Variants in ARHGEF3 observed in about 807,000 individuals in gnomAD.
The protein encoded by ARHGEF3 is 59.8 kDA protein.
A neutral mutation model predicts 63.2 loss-of-function variants in ARHGEF3; 28 were observed. That is an observed-to-expected ratio of 0.44 (90% CI 0.33 to 0.61). ARHGEF3 has a LOEUF of 0.61. Ranked by LOEUF, ARHGEF3 falls within the 20% of genes least tolerant of loss-of-function variation. The probability of loss-of-function intolerance (pLI) is 0.03; values close to 1 mark genes in which losing one functional copy is unlikely to be tolerated. For missense variants in ARHGEF3, 533 were observed against 659.3 expected, an observed-to-expected ratio of 0.81 and a Z score of 2.10; for synonymous variants, 266 against 254.2, an observed-to-expected ratio of 1.05 and a Z score of -0.44.
At chr3:57,014,001 C>G (rs759801003) in intron 2 of ARHGEF3, among the ~76,000 whole-genome samples, 12 of 152,226 alleles carry the variant, frequency 7.9e-5, no homozygotes, top group Non-Finnish European at 1.6e-4. Flanking sequence ...GCTGCTCACT[C>G]TTTGGATCTG....
At chr3:56,970,869 C>A (rs1700879895) in intron 2 of ARHGEF3, among the ~76,000 whole-genome samples, 1 of 152,248 alleles carries the variant, frequency 6.6e-6, no homozygotes, top group Non-Finnish European at 1.5e-5. Context: ...TAGCGCTGGA[C>A]AAGTGACTTA....
In ARHGEF3 at chr3:56,729,529, AG is replaced by A; in HGVS notation, c.1321del (p.Asn442ThrfsTer27). The A allele has an allele frequency of 1.9e-6, 3 of 1,614,230 alleles. No individual in the cohort carries two copies. The highest frequency in any genetic ancestry group is 2.5e-6 in the Non-Finnish European group (3 of 1,180,032). On this transcript the variant is annotated frameshift_variant, in exon 10 of 10. Transcript: ENST00000296315. LOFTEE classifies it high-confidence loss of function. ...ANDTFNKQQW[L>X]NCIRQAKETV... ...TTCTTTGGCTTGACGAATACAGTTAAGCCACTGCTGTTTGTTGAAAGTGTCA... is the reference window on the plus strand; with the variant it reads ...TTCTTTGGCTTGACGAATACAGTTAACCACTGCTGTTTGTTGAAAGTGTCA...
At chr3:56,889,908 A>G (rs1027305839) in intron 3 of ARHGEF3, among the ~76,000 whole-genome samples, 1 of 152,074 alleles carries the variant, frequency 6.6e-6, no homozygotes, top group Admixed American at 6.6e-5. Flanking sequence ...CTAAAAATAC[A>G]AAAATTAGCT....
chr3:56,992,733 G>A (rs893760904), intron 2 of ARHGEF3, among the ~76,000 whole-genome samples: 27 of 152,314 alleles, frequency 1.8e-4, no homozygotes, highest in African/African-American at 6.3e-4. Context: ...CAACCCCAGC[G>A]CAGTCTGTGG....
chr3:56,734,496 G>T (rs2033463925), intron 8 of ARHGEF3, among the ~76,000 whole-genome samples: 1 of 152,144 alleles, frequency 6.6e-6, no homozygotes, highest in Non-Finnish European at 1.5e-5. Flanking sequence ...TTCACTATCT[G>T]GGTGATGAGA....
intron 1 of ARHGEF3, among the ~76,000 whole-genome samples, chr3:57,040,091 C>T (rs11130567): frequency 0.67 from 101,278 of 152,086 alleles, 34,362 homozygotes; most frequent in East Asian, 0.94. Context: ...GACCTACAAC[C>T]ACATGCGGCA....
At chr3:56,732,493 G>C in intron 8 of ARHGEF3, 69 bp from the exon 9 acceptor site, 1 of 1,540,438 alleles carries the variant, frequency 6.5e-7, no homozygotes, top group Non-Finnish European at 9.0e-7. Flanking sequence ...GTGGACCTCT[G>C]TGGATAAAGA....
chr3:57,014,508 T>G (rs572982808), intron 2 of ARHGEF3, among the ~76,000 whole-genome samples: 1 of 152,122 alleles, frequency 6.6e-6, no homozygotes, highest in African/African-American at 2.4e-5. Flanking sequence ...TGCGTACCAA[T>G]GCAAGAAGGA....
intron 3 of ARHGEF3, chr3:56,898,628 C>T (rs1036416514): frequency 7.4e-6 from 2 of 272,030 alleles, no homozygotes; most frequent in East Asian, 1.4e-4. Context: ...CTGGGGTGAT[C>T]CCTGGAAGAA....
intron 1 of ARHGEF3, among the ~76,000 whole-genome samples, chr3:57,076,360 T>G (rs1706220946): frequency 6.6e-6 from 1 of 152,168 alleles, no homozygotes. Flanking sequence ...CTCAGGGACC[T>G]TAGTTATGGC....
At chr3:57,065,140 C>T (rs1705452522) in intron 1 of ARHGEF3, among the ~76,000 whole-genome samples, 1 of 152,126 alleles carries the variant, frequency 6.6e-6, no homozygotes, top group Non-Finnish European at 1.5e-5. Context: ...ATCCAGTAGG[C>T]CATGGTCTTA....
intron 2 of ARHGEF3, among the ~76,000 whole-genome samples, chr3:56,981,678 GACC>G (rs1701332709): frequency 1.3e-5 from 2 of 152,198 alleles, no homozygotes; most frequent in South Asian, 4.1e-4. Flanking sequence ...AGAACCAGCT[GACC>G]ACCCTCATTT....
At chr3:56,898,585 T>C in intron 3 of ARHGEF3, 1 of 272,160 alleles carries the variant, frequency 3.7e-6, no homozygotes, top group Non-Finnish European at 8.2e-6. Flanking sequence ...AAGCAGATCC[T>C]GGAGCAAAGA....
In ARHGEF3 at chr3:56,933,093, C is replaced by T. The variant is rs551578317; in HGVS notation, c.129+25730G>A. Among the ~76,000 whole-genome samples the T allele has an allele frequency of 4.6e-5, 7 of 152,238 alleles. No individual in the cohort carries two copies. The East Asian group carries it at 7.7e-4, about 17-fold the overall frequency. ...GATGCATGCAAAATAAAGTCAGAAC[C>T]GAATCTACTGCCAAGCGTCACAAGA... On this transcript the variant is annotated intron_variant, in intron 3 of 12. Transcript: ENST00000338458.
rs1487926823 is a variant in ARHGEF3, at chr3:57,002,479, T to A, written c.62+32609A>T. On this transcript the variant is annotated intron_variant, in intron 2 of 12. Coordinates refer to the ARHGEF3 transcript ENST00000338458. Reference sequence around the variant, plus strand: ...TCTAAGCACTATATATATATATATGTTATATATATATATATATGTTATATA... The same window carrying A: ...TCTAAGCACTATATATATATATATGATATATATATATATATATGTTATATA... 8.1e-4 allele frequency among the ~76,000 whole-genome samples: 32 copies of A among 39,444 alleles called. 2 individuals are homozygous for A. Among genetic ancestry groups the A allele is most frequent in the East Asian group, 2.3e-3 (3 of 1,288 alleles). The allele number at this position is 39,444 out of a possible 152,430, so 25.9% of individuals were successfully genotyped here.
chr3:56,994,890 T>C (rs1351431235), intron 2 of ARHGEF3, among the ~76,000 whole-genome samples: 3 of 152,086 alleles, frequency 2.0e-5, no homozygotes, highest in African/African-American at 7.2e-5. Flanking sequence ...ATTTCCCCCT[T>C]GCTGTTCTTG....
chr3:56,864,178 G>C (rs1484742345), intron 4 of ARHGEF3, among the ~76,000 whole-genome samples: 5 of 152,156 alleles, frequency 3.3e-5, no homozygotes, highest in Non-Finnish European at 5.9e-5. Flanking sequence ...CCCCTTCCTA[G>C]TGACTCCATA....
At position 57,051,488 on chromosome 3, in the gene ARHGEF3, A is replaced by C. The variant is rs550092007; in HGVS notation, c.-27-16312T>G. Among the ~76,000 whole-genome samples the C allele has an allele frequency of 4.6e-5, 7 of 152,116 alleles. No individual in the cohort carries two copies. In the South Asian group the frequency reaches 1.2e-3, roughly 27 times the overall value. ...GGCAACAAGAGTGAAACTCCACCTC[A>C]AAAAAAATAAAAAATGTGGTTTTCT... On this transcript the variant is annotated intron_variant, in intron 1 of 12. Transcript: ENST00000338458.
intron 1 of ARHGEF3, among the ~76,000 whole-genome samples, chr3:56,799,315 T>C (rs2037522887): frequency 6.6e-6 from 1 of 152,210 alleles, no homozygotes. Context: ...CTGTGTGCAC[T>C]GTCCTACCCA....
Sources: gnomAD v4.1 joint callset for allele counts (sites outside exome capture counted in the v4.1 genomes callset) on GRCh38, gnomAD v4.1.1 for gene constraint, MANE v1.5 for transcripts, NCBI Gene and HGNC (gene_info 2026-07-23, HGNC 2026-07-21) for gene names.